KIAA0825: variants seen among roughly 807,000 people sequenced by gnomAD.
KIAA0825 encodes uncharacterized protein KIAA0825.
Under a neutral mutation model 147.6 loss-of-function variants are expected in KIAA0825, and 119 were observed. That is an observed-to-expected ratio of 0.81 (90% CI 0.69 to 0.94). The LOEUF is 0.94. Ranked by LOEUF, KIAA0825 falls within the 40% of genes least tolerant of loss-of-function variation. The pLI is 0.00. For synonymous variants in KIAA0825, 470 were observed against 518.1 expected, an observed-to-expected ratio of 0.91 and a Z score of 1.26; for missense variants, 1,381 against 1,472.7, an observed-to-expected ratio of 0.94 and a Z score of 1.02.
chr5:94,275,906 C>T (rs960590950), intron 20 of KIAA0825, among the ~76,000 whole-genome samples: 1 of 152,110 alleles, frequency 6.6e-6, no homozygotes, highest in East Asian at 1.9e-4. Flanking sequence ...TTAACTATGG[C>T]GCTGCCTGCA....
chr5:94,488,119 T>A (rs1399317652), intron 5 of KIAA0825, among the ~76,000 whole-genome samples: 1 of 152,202 alleles, frequency 6.6e-6, no homozygotes, highest in Non-Finnish European at 1.5e-5. Flanking sequence ...AGACGGTATT[T>A]CTCCATGTTG....
At chr5:94,391,287 C>G (rs73773659) in intron 18 of KIAA0825, among the ~76,000 whole-genome samples, 3 of 152,146 alleles carry the variant, frequency 2.0e-5, no homozygotes, top group Non-Finnish European at 4.4e-5. Flanking sequence ...CAATTCAGAA[C>G]TGAACTGAGT....
intron 2 of KIAA0825, among the ~76,000 whole-genome samples, chr5:94,555,897 A>G (rs1432655562): frequency 1.3e-5 from 2 of 152,204 alleles, no homozygotes; most frequent in African/African-American, 4.8e-5. Context: ...CATGAGATTA[A>G]TGATATTAAC....
chr5:94,308,267 C>G (rs1778873211), intron 20 of KIAA0825, among the ~76,000 whole-genome samples: 1 of 151,820 alleles, frequency 6.6e-6, no homozygotes, highest in East Asian at 1.9e-4. Context: ...AAACCCAACA[C>G]CATGCATTAT....
At chr5:94,523,246 C>T (rs1318532415) in intron 4 of KIAA0825, among the ~76,000 whole-genome samples, 1 of 151,568 alleles carries the variant, frequency 6.6e-6, no homozygotes, top group African/African-American at 2.4e-5. Context: ...AAAACCATAG[C>T]TACAGAAGTA....
chr5:94,575,294 A>T (rs1358274586), intron 2 of KIAA0825, among the ~76,000 whole-genome samples: 1 of 152,058 alleles, frequency 6.6e-6, no homozygotes, highest in Non-Finnish European at 1.5e-5. Flanking sequence ...AGAGAGGAAG[A>T]TCAATTAGGA....
intron 20 of KIAA0825, among the ~76,000 whole-genome samples, chr5:94,205,268 C>CATATGTATATATAT (rs775988902): frequency 5.5e-5 from 5 of 90,294 alleles, no homozygotes; most frequent in African/African-American, 2.2e-4. Flanking sequence ...ACTATTTAAT[C>CATATGTATATATAT]ATATATATAT....
At chr5:94,262,003 A>G (rs979105646) in intron 20 of KIAA0825, among the ~76,000 whole-genome samples, 12 of 150,470 alleles carry the variant, frequency 8.0e-5, no homozygotes, top group African/African-American at 1.2e-4. Flanking sequence ...AATTTCTTTT[A>G]AAAAAATCTC....
At chr5:94,215,330 A>G (rs952913240) in intron 20 of KIAA0825, among the ~76,000 whole-genome samples, 2 of 152,238 alleles carry the variant, frequency 1.3e-5, no homozygotes, top group African/African-American at 4.8e-5. Flanking sequence ...TACGTTGCAC[A>G]TAGGCCAGAG....
chr5:94,264,253 TTAGGATCTTTACTACTA>T (rs1776638206), intron 20 of KIAA0825, among the ~76,000 whole-genome samples: 1 of 152,196 alleles, frequency 6.6e-6, no homozygotes, highest in African/African-American at 2.4e-5. Context: ...GATCAGCCGG[TTAGGATCTTTACTACTA>T]TGTGATTGAA....
intron 1 of KIAA0825, among the ~76,000 whole-genome samples, chr5:94,591,575 G>A (rs1233303434): frequency 6.6e-6 from 1 of 152,158 alleles, no homozygotes; most frequent in Non-Finnish European, 1.5e-5. Flanking sequence ...AAGTATACCA[G>A]TAAAATCAGT....
chr5:94,483,962 G>A (rs1350877405), intron 6 of KIAA0825, among the ~76,000 whole-genome samples: 1 of 151,010 alleles, frequency 6.6e-6, no homozygotes, highest in African/African-American at 2.4e-5. Flanking sequence ...ACACTCCTTA[G>A]AATGGCATAT....
At chr5:94,598,179 A>T (rs924583982) in intron 1 of KIAA0825, among the ~76,000 whole-genome samples, 1 of 152,144 alleles carries the variant, frequency 6.6e-6, no homozygotes. Context: ...AACAGTTAGC[A>T]TAAAACACAA....
Position 94,390,002 on chromosome 5 carries a change from C to A in KIAA0825, c.3456+1533G>T, listed in dbSNP as rs146924358. ...TAACAAGATAAATCATAACACTGAGCAAAATGTGGTGGTATCCCAGTGTAA... is the reference window on the plus strand; with the variant it reads ...TAACAAGATAAATCATAACACTGAGAAAAATGTGGTGGTATCCCAGTGTAA... On this transcript the variant is annotated intron_variant, in intron 18 of 20. Coordinates refer to ENST00000682413, the MANE Select transcript of KIAA0825 (RefSeq NM_001145678.3). Among the ~76,000 whole-genome samples the A allele has an allele frequency of 4.2e-3, 639 of 152,236 alleles. 3 individuals carry two copies. Among genetic ancestry groups the A allele is most frequent in the South Asian group, 0.02 (96 of 4,816 alleles).
At chr5:94,309,497 C>T (rs1481417251) in intron 20 of KIAA0825, among the ~76,000 whole-genome samples, 1 of 151,628 alleles carries the variant, frequency 6.6e-6, no homozygotes, top group East Asian at 1.9e-4. Context: ...CAAAAATGCA[C>T]ATGTTAAATC....
chr5:94,494,593 T>C (rs989749902), intron 5 of KIAA0825, among the ~76,000 whole-genome samples: 1 of 152,194 alleles, frequency 6.6e-6, no homozygotes, highest in African/African-American at 2.4e-5. Context: ...ATCTCTAGTG[T>C]GATAAAATGG....
intron 1 of KIAA0825, among the ~76,000 whole-genome samples, chr5:94,606,948 C>T (rs1211692533): frequency 6.6e-6 from 1 of 152,060 alleles, no homozygotes; most frequent in African/African-American, 2.4e-5. Flanking sequence ...TTTTAAACAA[C>T]CAGCTCTCAA....
chr5:94,557,289 G>C (rs571504088), intron 2 of KIAA0825, among the ~76,000 whole-genome samples: 3 of 152,024 alleles, frequency 2.0e-5, no homozygotes, highest in Non-Finnish European at 4.4e-5. Context: ...TTTTTGTAGA[G>C]ATTGGGTTTT....
At chr5:94,612,806 T>C (rs1405770931) in intron 1 of KIAA0825, among the ~76,000 whole-genome samples, 1 of 152,206 alleles carries the variant, frequency 6.6e-6, no homozygotes, top group African/African-American at 2.4e-5. Context: ...CAAATCCAAG[T>C]CTGTTTGACT....
Sources: gnomAD v4.1 joint callset for allele counts (sites outside exome capture counted in the v4.1 genomes callset) on GRCh38, gnomAD v4.1.1 for gene constraint, MANE v1.5 for transcripts, NCBI Gene and HGNC (gene_info 2026-07-23, HGNC 2026-07-21) for gene names.